Variants in FAM234A observed in about 807,000 individuals in gnomAD.
FAM234A encodes protein FAM234A.
In FAM234A, 42 loss-of-function variants were observed where a neutral mutation model predicts 49.1. That is an observed-to-expected ratio of 0.86 (90% CI 0.67 to 1.11). The LOEUF is 1.11. Among genes scored for constraint, FAM234A ranks in the 50% least tolerant of loss-of-function variants. FAM234A has a pLI of 0.00. For synonymous variants in FAM234A, 369 were observed against 316.2 expected, an observed-to-expected ratio of 1.17 and a Z score of -1.77; for missense variants, 815 against 745.2, an observed-to-expected ratio of 1.09 and a Z score of -1.09.
intron 5 of FAM234A, chr16:260,741 G>A (rs971707665): frequency 6.8e-6 from 3 of 439,348 alleles, no homozygotes; most frequent in East Asian, 7.3e-5. Context: ...TCCCTTACAA[G>A]CTGTCATTTT....
In FAM234A at chr16:244,104, G is replaced by C. The variant is rs373353826; in HGVS notation, c.-139-5445G>C. 1.1e-3 allele frequency among the ~76,000 whole-genome samples: 162 copies of C among 152,094 alleles called. 1 individual carries two copies. In the South Asian group the frequency reaches 0.028, roughly 27 times the overall value. ...CTGCCTCAGCCTCCTGAGTAGCTGG[G>C]ACTACAGGCACCCGCCACCACGCCC... On this transcript the variant is annotated intron_variant, in intron 1 of 12. Transcript: ENST00000399932.
In FAM234A at chr16:264,120, C is replaced by A. The variant is rs376116131; in HGVS notation, c.1293C>A (p.Arg431=). The change falls in exon 11 of 13, where the codon CGC becomes CGA. Residue 431 remains arginine (R), a synonymous_variant. Transcript: ENST00000399932. The part of the protein sequence containing the change: ...LSASLPTADH[R]SAFFFWGLHE... ...CCAGCCTGCCGACCGCAGACCACCGCTCAGCCTTCTTCTTCTGGGGCCTCC... is the reference window on the plus strand; with the variant it reads ...CCAGCCTGCCGACCGCAGACCACCGATCAGCCTTCTTCTTCTGGGGCCTCC... 1.2e-6 allele frequency: 2 copies of A among 1,610,652 alleles called. No homozygotes were observed. The highest frequency in any genetic ancestry group is 8.5e-7 in the Non-Finnish European group (1 of 1,179,844).
In FAM234A at chr16:263,331, A is replaced by G. The variant is rs1457585543; in HGVS notation, c.1041A>G (p.Ser347=). ...NAGADVLLVG[S]EAFVLLDGQE... is the part of the protein sequence containing the mutation. ...GTGCAGATGTGCTTCTTGTGGGCTC[A>G]GAGGCCTTCGTGCTGCTGGACGGGC... The change falls in exon 9 of 13, where the codon TCA becomes TCG. Residue 347 remains serine (S), a synonymous_variant. Transcript: ENST00000399932. 1 of 1,613,216 alleles carries G rather than the reference A, an allele frequency of 6.2e-7. No individual in the cohort carries two copies. The highest frequency in any genetic ancestry group is 2.2e-5 in the East Asian group (1 of 44,880).
chr16:261,469 C>T lies in FAM234A; in HGVS notation c.663C>T (p.Gly221=), dbSNP rs180686936. ...SPLLQVPDVD[G]DGAPDLLVLT... ...TGCTGCAGGTGCCTGATGTGGACGG[C>T]GATGGGGCCCCAGACCTGCTGGTTC... Residue 221 remains glycine (G), a synonymous_variant, in exon 6 of 13, where the codon GGC becomes GGT. Coordinates refer to ENST00000399932, the MANE Select transcript of FAM234A (RefSeq NM_032039.4). 466 of 1,612,648 alleles carry T rather than the reference C, an allele frequency of 2.9e-4. No individual in the cohort carries two copies. In the African/African-American group the frequency reaches 5.5e-3, roughly 19 times the overall value.
chr16:266,786 G>C (rs2051704445), downstream of FAM234A, among the ~76,000 whole-genome samples: 1 of 151,778 alleles, frequency 6.6e-6, no homozygotes, highest in South Asian at 2.1e-4. Context: ...GCCATATAGG[G>C]CTCTGCGGAC....
At chr16:267,687 G>A (rs1291258893), downstream of FAM234A, among the ~76,000 whole-genome samples, 3 of 147,452 alleles carry the variant, frequency 2.0e-5, no homozygotes, top group Non-Finnish European at 4.5e-5. Flanking sequence ...ACCTGCACAC[G>A]TGCACTACAC....
chr16:267,612 G>A (rs113065413), downstream of FAM234A, among the ~76,000 whole-genome samples: 10 of 119,338 alleles, frequency 8.4e-5, no homozygotes, highest in South Asian at 2.8e-4. Context: ...CACACCACAC[G>A]TGTGCCTCAG....
chr16:249,906 C>T (rs908847002), intron 2 of FAM234A, among the ~76,000 whole-genome samples: 1 of 151,846 alleles, frequency 6.6e-6, no homozygotes, highest in South Asian at 2.1e-4. Context: ...TTTTTTCTTT[C>T]CTTTGCCAAA....
rs186876753 is a variant in FAM234A at position 253,298 on chromosome 16, C to T, written c.-33-1083C>T. Among the ~76,000 whole-genome samples, 52 of 152,220 alleles carry T rather than the reference C, an allele frequency of 3.4e-4. No homozygotes were observed. The East Asian group carries it at 9.7e-3, about 28-fold the overall frequency. On this transcript the variant is annotated intron_variant, in intron 2 of 12. Transcript: ENST00000399932. ...GGGGCTCAGAAGTTACTCCCAGCACCGAGCTCACTCAACACAGCTGTCCCC... is the reference window on the plus strand; with the variant it reads ...GGGGCTCAGAAGTTACTCCCAGCACTGAGCTCACTCAACACAGCTGTCCCC...
rs2051146850 is a variant in FAM234A at position 254,471 on chromosome 16, A to C, written c.58A>C (p.Lys20Gln). 1 of 1,614,096 alleles carries C rather than the reference A, an allele frequency of 6.2e-7. No homozygotes were observed. Among genetic ancestry groups the C allele is most frequent in the African/African-American group, 1.3e-5 (1 of 74,932 alleles). ...CCACCCCTTGAAAAATGAAGAAAGA[A>C]AATCGCAGGAAAATCTGGGAAATCC... ...EIHPLKNEER[K>Q]SQENLGNPSK... The change falls in exon 3 of 13, where the codon AAA becomes CAA. Residue 20 changes from lysine (K) to glutamine (Q), a missense_variant. Lys to Gln is a moderately conservative substitution (Grantham distance 53). Transcript: ENST00000399932.
At chr16:248,961 T>G (rs1348543370) in intron 1 of FAM234A, among the ~76,000 whole-genome samples, 3 of 151,992 alleles carry the variant, frequency 2.0e-5, no homozygotes, top group Non-Finnish European at 4.4e-5. Flanking sequence ...TTTTTTAAAA[T>G]TATAAATCCA....
intron 1 of FAM234A, among the ~76,000 whole-genome samples, chr16:237,713 CT>C (rs398058030): frequency 2.6e-3 from 362 of 137,240 alleles, no homozygotes; most frequent in Admixed American, 2.5e-3. Flanking sequence ...TAATGAAATT[CT>C]TTTTTTTTTT....
intron 1 of FAM234A, among the ~76,000 whole-genome samples, chr16:239,422 G>T (rs2050533428): frequency 6.6e-6 from 1 of 150,710 alleles, no homozygotes; most frequent in Non-Finnish European, 1.5e-5. Context: ...GTCCATCCTG[G>T]CTAACGTGGT....
chr16:259,860 G>C (rs904579708), intron 4 of FAM234A, 109 bp from the exon 5 acceptor site: 1 of 996,736 alleles, frequency 1.0e-6, no homozygotes, highest in Non-Finnish European at 1.5e-6. Context: ...GAGGGGCTGT[G>C]GCCTAGGAGA....
At chr16:259,178 A>T (rs911726101) in intron 3 of FAM234A, among the ~76,000 whole-genome samples, 1 of 152,168 alleles carries the variant, frequency 6.6e-6, no homozygotes, top group African/African-American at 2.4e-5. Context: ...TGGAGTGTGG[A>T]CTGTCTAGAT....
intron 5 of FAM234A, chr16:260,459 G>T (rs944806095): frequency 2.0e-6 from 1 of 507,936 alleles, no homozygotes; most frequent in South Asian, 1.7e-5. Flanking sequence ...AGGAGGAGCG[G>T]CTTGGCCCCC....
intron 11 of FAM234A, 69 bp downstream of exon 11, chr16:264,240 G>A (rs373363223): frequency 7.0e-5 from 102 of 1,461,086 alleles, no homozygotes; most frequent in African/African-American, 1.7e-4. Flanking sequence ...GAGCTCCACC[G>A]TGGAGTGCCC....
chr16:237,075 T>C (rs1418144174), intron 1 of FAM234A, among the ~76,000 whole-genome samples: 1 of 151,520 alleles, frequency 6.6e-6, no homozygotes, highest in Non-Finnish European at 1.5e-5. Context: ...TTATGTATTT[T>C]TTTAAAAAAA....
At chr16:244,143 TATC>T in intron 1 of FAM234A, among the ~76,000 whole-genome samples, 1 of 152,084 alleles carries the variant, frequency 6.6e-6, no homozygotes, top group Non-Finnish European at 1.5e-5. Context: ...TAATTTTTTC[TATC>T]TTTAGTAGAG....
Sources: allele counts gnomAD v4.1 joint callset (sites outside exome capture counted in the v4.1 genomes callset), GRCh38; gene constraint gnomAD v4.1.1; transcripts MANE v1.5; gene names NCBI Gene and HGNC (gene_info 2026-07-23, HGNC 2026-07-21).